The following SNX29 variants were observed in gnomAD, a reference collection of about 807,000 sequenced individuals.
SNX29 encodes the protein sorting nexin 29, also known as sorting nexin-29.
A neutral mutation model predicts 102.1 loss-of-function variants in SNX29; 78 were observed. That is an observed-to-expected ratio of 0.76 (90% CI 0.64 to 0.92). The LOEUF is 0.92. Among genes scored for constraint, SNX29 ranks in the 40% least tolerant of loss-of-function variants. SNX29 has a pLI of 0.00. For synonymous variants in SNX29, 580 were observed against 414.5 expected (o/e 1.40, Z -4.85); for missense variants, 1,280 against 1,061.7 (o/e 1.21, Z -2.86).
At chr16:12,079,918 GAAA>G (rs991361367) in intron 11 of SNX29, among the ~76,000 whole-genome samples, 1 of 152,026 alleles carries the variant, frequency 6.6e-6, no homozygotes, top group Non-Finnish European at 1.5e-5. Context: ...CTTGGATAGG[GAAA>G]AAAATTACAA....
At chr16:12,544,391 G>A (rs1555573459) in intron 20 of SNX29, among the ~76,000 whole-genome samples, 1 of 152,192 alleles carries the variant, frequency 6.6e-6, no homozygotes, top group Non-Finnish European at 1.5e-5. Flanking sequence ...GCGTTGTGAG[G>A]TGGTTCTGCT....
chr16:12,552,134 G>A (rs976828578), intron 20 of SNX29, among the ~76,000 whole-genome samples: 1 of 152,224 alleles, frequency 6.6e-6, no homozygotes, highest in Non-Finnish European at 1.5e-5. Flanking sequence ...AAATGCCTGA[G>A]AGGCCACATT....
chr16:12,556,187 C>T (rs944307865), intron 20 of SNX29, among the ~76,000 whole-genome samples: 3 of 152,152 alleles, frequency 2.0e-5, no homozygotes, highest in Non-Finnish European at 4.4e-5. Context: ...CCAGATGTTG[C>T]TGAGTCTGAA....
chr16:12,566,612 C>G (rs1260140830), intron 20 of SNX29, among the ~76,000 whole-genome samples: 1 of 152,166 alleles, frequency 6.6e-6, no homozygotes, highest in African/African-American at 2.4e-5. Flanking sequence ...AATCAGTTCC[C>G]CTACACTGCA....
intron 1 of SNX29, among the ~76,000 whole-genome samples, chr16:11,981,339 A>G (rs867532039): frequency 6.6e-6 from 1 of 151,650 alleles, no homozygotes; most frequent in African/African-American, 2.4e-5. Context: ...CCTGACCTCA[A>G]TTGATCTGCC....
chr16:12,070,510 T>C lies in SNX29; in HGVS notation c.1319+1378T>C, dbSNP rs545160470. Among the ~76,000 whole-genome samples, 1,219 of 152,000 alleles carry C rather than the reference T, an allele frequency of 8.0e-3. 21 individuals are homozygous for C. Among genetic ancestry groups the C allele is most frequent in the African/African-American group, 0.028 (1,163 of 41,428 alleles). On this transcript the variant is annotated intron_variant, in intron 10 of 20. Transcript: ENST00000566228. ...TGTCCCTACAAAGGACATGAACTCATCATTTTTTATGGCTGCATAGTATTC... is the reference window on the plus strand; with the variant it reads ...TGTCCCTACAAAGGACATGAACTCACCATTTTTTATGGCTGCATAGTATTC...
chr16:12,534,753 C>G (rs10852349), intron 20 of SNX29, among the ~76,000 whole-genome samples: 41,939 of 152,156 alleles, frequency 0.28, 6,094 homozygotes, highest in African/African-American at 0.34. Context: ...ACCCAAGTGG[C>G]TTTCTTTCTG....
intron 15 of SNX29, among the ~76,000 whole-genome samples, chr16:12,284,743 G>A (rs1284911075): frequency 7.8e-6 from 1 of 128,772 alleles, no homozygotes; most frequent in Non-Finnish European, 1.6e-5. Flanking sequence ...TCTTTTTTTT[G>A]AGACAGAGTC....
chr16:12,421,305 G>T (rs897223305), intron 18 of SNX29, among the ~76,000 whole-genome samples: 5 of 152,182 alleles, frequency 3.3e-5, no homozygotes, highest in African/African-American at 1.2e-4. Flanking sequence ...AGAGTAGGCT[G>T]CTCTGCCCTT....
At chr16:12,030,258 G>C (rs2057302444) in intron 4 of SNX29, among the ~76,000 whole-genome samples, 1 of 152,156 alleles carries the variant, frequency 6.6e-6, no homozygotes, top group South Asian at 2.1e-4. Flanking sequence ...TGCTCTGTAT[G>C]TGCCTGTTAT....
chr16:12,038,551 C>T (rs1265783660), intron 4 of SNX29, among the ~76,000 whole-genome samples: 4 of 152,206 alleles, frequency 2.6e-5, no homozygotes, highest in Non-Finnish European at 2.9e-5. Context: ...ATTACGGACA[C>T]CGCAGGCGCT....
intron 18 of SNX29, among the ~76,000 whole-genome samples, chr16:12,475,655 T>C (rs183815909): frequency 1.2e-4 from 19 of 152,382 alleles, no homozygotes; most frequent in African/African-American, 4.6e-4. Flanking sequence ...CACAATCATC[T>C]AACACAAAGC....
intron 4 of SNX29, among the ~76,000 whole-genome samples, chr16:12,036,865 A>G (rs1291270549): frequency 6.6e-6 from 1 of 152,118 alleles, no homozygotes; most frequent in African/African-American, 2.4e-5. Flanking sequence ...AAAATTCTTT[A>G]GATTGATTTA....
At chr16:12,070,890 T>C (rs1357256644) in intron 10 of SNX29, among the ~76,000 whole-genome samples, 1 of 152,236 alleles carries the variant, frequency 6.6e-6, no homozygotes, top group Admixed American at 6.5e-5. Flanking sequence ...TGGTATCTCA[T>C]TGTGGTTTTG....
chr16:12,376,343 A>G (rs904434960), intron 16 of SNX29, among the ~76,000 whole-genome samples: 12 of 152,208 alleles, frequency 7.9e-5, no homozygotes, highest in Admixed American at 2.0e-4. Context: ...GAGTCTTACA[A>G]CCGTGTTTGC....
At chr16:12,135,538 A>G (rs1395651171) in intron 13 of SNX29, 6 of 1,322,304 alleles carry the variant, frequency 4.5e-6, no homozygotes, top group African/African-American at 1.5e-5. Flanking sequence ...TCTCTTTGCT[A>G]TTTTGTTGGC....
chr16:12,483,344 G>A (rs991252490), intron 19 of SNX29, among the ~76,000 whole-genome samples: 4 of 144,856 alleles, frequency 2.8e-5, no homozygotes, highest in African/African-American at 1.0e-4. Flanking sequence ...TCCAGACGGA[G>A]TCTTGCTCTA....
At chr16:12,567,194 C>T (rs1025112284) in intron 20 of SNX29, among the ~76,000 whole-genome samples, 1 of 152,224 alleles carries the variant, frequency 6.6e-6, no homozygotes. Context: ...TCTCACTTGG[C>T]ATCTTTGGTC....
At chr16:12,540,760 C>T (rs1206705168) in intron 20 of SNX29, among the ~76,000 whole-genome samples, 4 of 152,342 alleles carry the variant, frequency 2.6e-5, no homozygotes, top group South Asian at 2.1e-4. Flanking sequence ...GATCTTACCG[C>T]CACCTCCCCT....
Sources: gnomAD v4.1 joint callset for allele counts (sites outside exome capture counted in the v4.1 genomes callset) on GRCh38, gnomAD v4.1.1 for gene constraint, MANE v1.5 for transcripts, NCBI Gene and HGNC (gene_info 2026-07-23, HGNC 2026-07-21) for gene names.